The following CCNH variants were observed in gnomAD, a reference collection of about 807,000 sequenced individuals.
CCNH encodes cyclin-H.
In CCNH, 31 loss-of-function variants were observed where a neutral mutation model predicts 41.9. The observed-to-expected ratio is 0.74, with a 90% CI of 0.56 to 1.00. The LOEUF (loss-of-function observed/expected upper bound fraction) is 1.00, where lower values mean the gene tolerates loss of function less well. Among genes scored for constraint, CCNH ranks in the 50% least tolerant of loss-of-function variants. The pLI is 0.00. For missense variants in CCNH, 362 were observed against 388.4 expected (o/e 0.93, Z 0.57); for synonymous variants, 138 against 136.1 (o/e 1.01, Z -0.10).
At chr5:87,356,026 G>T (rs1350881505) in intron 9 of CCNH, among the ~76,000 whole-genome samples, 1 of 152,158 alleles carries the variant, frequency 6.6e-6, no homozygotes, top group East Asian at 1.9e-4. Context: ...AAAGAAAGTG[G>T]TCTCTTGAGA....
chr5:87,384,789 A>G (rs1761953317), intron 9 of CCNH, among the ~76,000 whole-genome samples: 1 of 152,130 alleles, frequency 6.6e-6, no homozygotes, highest in South Asian at 2.1e-4. Context: ...ATATTTTAAA[A>G]GTTTATTAAA....
At chr5:87,346,791 T>C (rs573640570) in intron 9 of CCNH, 3 of 1,260,766 alleles carry the variant, frequency 2.4e-6, no homozygotes, top group Admixed American at 1.7e-5. Context: ...ACAAACCATT[T>C]ATCATGTGTT....
At chr5:87,313,822 G>A (rs770491298), downstream of CCNH, among the ~76,000 whole-genome samples, 1 of 152,196 alleles carries the variant, frequency 6.6e-6, no homozygotes, top group African/African-American at 2.4e-5. Flanking sequence ...ACAAAGGGAT[G>A]GCAATAAGGA....
upstream of CCNH, among the ~76,000 whole-genome samples, chr5:87,381,116 C>A (rs1478238000): frequency 1.3e-5 from 2 of 152,078 alleles, no homozygotes; most frequent in African/African-American, 4.8e-5. Context: ...ACTTCATTAT[C>A]ATTATTCTAT....
At position 87,348,640 on chromosome 5, in the gene CCNH, AT is replaced by A. The variant is rs1004683068; in HGVS notation, c.*91-29744del. On this transcript the variant is annotated intron_variant and NMD_transcript_variant, in intron 9 of 9. Transcript: ENST00000645953. ...ATTTTATTACAGTTATTACTTTTTA[AT>A]TTTTTTTTTTTTAAGATGCAGGATC... Among the ~76,000 whole-genome samples, 228 of 145,196 alleles carry A rather than the reference AT, an allele frequency of 1.6e-3. 1 individual carries two copies. Among genetic ancestry groups the A allele is most frequent in the Middle Eastern group, 3.6e-3 (1 of 278 alleles).
chr5:87,379,276 CAGGT>C (rs1337408624), upstream of CCNH, among the ~76,000 whole-genome samples: 1 of 152,078 alleles, frequency 6.6e-6, no homozygotes, highest in Non-Finnish European at 1.5e-5. Flanking sequence ...AGAAGTGCAG[CAGGT>C]AGGTAGGGAG....
At position 87,358,603 on chromosome 5, in the gene CCNH, C is replaced by A. The variant is rs550124709; in HGVS notation, c.*90+34167G>T. On this transcript the variant is annotated intron_variant and NMD_transcript_variant, in intron 9 of 9. Transcript: ENST00000645953. ...TATGCTGCATGCTGCGCAGCAGTCA[C>A]TGGGATCCATTTAAAATGTCAGATC... is the stretch of plus-strand genomic sequence containing the variant. Among the ~76,000 whole-genome samples the A allele has an allele frequency of 7.2e-5, 11 of 152,360 alleles. No homozygotes were observed. In the South Asian group the frequency reaches 2.1e-3, roughly 29 times the overall value.
chr5:87,338,859 A>G (rs1035611168), intron 9 of CCNH, among the ~76,000 whole-genome samples: 2 of 152,078 alleles, frequency 1.3e-5, no homozygotes, highest in African/African-American at 4.8e-5. Context: ...ATATTATCAC[A>G]TGGTTCTACA....
Position 87,396,717 on chromosome 5 carries a change from C to G in CCNH, c.873-1613G>C, listed in dbSNP as rs3093843. Among the ~76,000 whole-genome samples, 409 of 152,220 alleles carry G rather than the reference C, an allele frequency of 2.7e-3. 5 individuals are homozygous for G. Among genetic ancestry groups the G allele is most frequent in the East Asian group, 8.7e-3 (45 of 5,172 alleles). ...AAGTGACTGTTAAGTATGGAAAGTT[C>G]AATGTCCCATAATCAAGAAAATGCA... On this transcript the variant is annotated intron_variant, in intron 7 of 8. Coordinates refer to ENST00000256897, the MANE Select transcript of CCNH (RefSeq NM_001239.4).
At chr5:87,368,102 G>A (rs1760658355) in intron 9 of CCNH, among the ~76,000 whole-genome samples, 1 of 151,730 alleles carries the variant, frequency 6.6e-6, no homozygotes, top group East Asian at 1.9e-4. Flanking sequence ...CAGTTGTTCT[G>A]CCACATTCCT....
At chr5:87,374,366 T>C (rs202191436), downstream of CCNH, 35 of 1,546,060 alleles carry the variant, frequency 2.3e-5, no homozygotes, top group Non-Finnish European at 2.9e-5. Flanking sequence ...TTTTACCATA[T>C]TGCATTTCTT....
chr5:87,335,814 G>C (rs1409845942), intron 9 of CCNH, among the ~76,000 whole-genome samples: 8 of 152,096 alleles, frequency 5.3e-5, no homozygotes. Context: ...AAAGGTCAAC[G>C]CATGTTGTTA....
chr5:87,399,024 G>GCT (rs1763186377), intron 7 of CCNH, among the ~76,000 whole-genome samples: 2 of 150,832 alleles, frequency 1.3e-5, no homozygotes. Context: ...CTAGCTAACA[G>GCT]AAGTCTGGAA....
At chr5:87,400,678 T>C (rs1447955194) in intron 6 of CCNH, among the ~76,000 whole-genome samples, 1 of 152,224 alleles carries the variant, frequency 6.6e-6, no homozygotes, top group Admixed American at 6.5e-5. Flanking sequence ...ATATAAAATG[T>C]ATGCCCATTT....
At chr5:87,340,275 A>G (rs1179790536) in intron 9 of CCNH, among the ~76,000 whole-genome samples, 1 of 152,038 alleles carries the variant, frequency 6.6e-6, no homozygotes, top group Admixed American at 6.6e-5. Context: ...CTTAGGCAAA[A>G]TTGTTTCCTT....
At chr5:87,407,309 TGA>T (rs1763870676) in intron 4 of CCNH, among the ~76,000 whole-genome samples, 1 of 152,186 alleles carries the variant, frequency 6.6e-6, no homozygotes, top group African/African-American at 2.4e-5. Context: ...TCACAAAAGT[TGA>T]GACTGTTCCT....
downstream of CCNH, chr5:87,392,285 G>T: frequency 2.2e-6 from 1 of 455,906 alleles, no homozygotes; most frequent in Non-Finnish European, 4.4e-6. Context: ...AAATGCTAAG[G>T]GCTTAAAAGA....
At chr5:87,320,212 T>C (rs1280498624) in intron 9 of CCNH, among the ~76,000 whole-genome samples, 1 of 152,204 alleles carries the variant, frequency 6.6e-6, no homozygotes, top group East Asian at 1.9e-4. Flanking sequence ...AGCAAGTCTC[T>C]AGGAAGTCTG....
chr5:87,374,861 T>C (rs2112486940), downstream of CCNH: 3 of 1,609,896 alleles, frequency 1.9e-6, no homozygotes, highest in African/African-American at 1.3e-5. Context: ...CTGACATCAA[T>C]AGATTTGAAA....
Sources: allele counts gnomAD v4.1 joint callset (sites outside exome capture counted in the v4.1 genomes callset), GRCh38; gene constraint gnomAD v4.1.1; transcripts MANE v1.5; gene names NCBI Gene and HGNC (gene_info 2026-07-23, HGNC 2026-07-21).